ACTR3C: variants seen among roughly 807,000 people sequenced by gnomAD.
The protein encoded by ACTR3C is actin related protein 3C, also known as actin-related protein 3C.
A neutral mutation model predicts 26.3 loss-of-function variants in ACTR3C; 18 were observed. That is an observed-to-expected ratio of 0.68 (90% CI 0.47 to 1.01). ACTR3C has a LOEUF of 1.01. Among genes scored for constraint, ACTR3C ranks in the 50% least tolerant of loss-of-function variants. The pLI is 0.00. For missense variants in ACTR3C, 184 were observed against 250.7 expected, an observed-to-expected ratio of 0.73 and a Z score of 1.80; for synonymous variants, 55 against 94.5, an observed-to-expected ratio of 0.58 and a Z score of 2.42.
the ACTR3C span, among the ~76,000 whole-genome samples, chr7:150,077,563 A>G: frequency 2.6e-5 from 4 of 152,218 alleles, no homozygotes; most frequent in South Asian, 6.2e-4. Context: ...GAGACTAAAT[A>G]TAGCATGATG....
chr7:149,956,348 G>T, the ACTR3C span, among the ~76,000 whole-genome samples: 194 of 152,224 alleles, frequency 1.3e-3, no homozygotes, highest in Non-Finnish European at 2.3e-3. Context: ...CTTGAGTCCA[G>T]GAGTTCGAGA....
the ACTR3C span, among the ~76,000 whole-genome samples, chr7:150,036,996 G>T: frequency 1.3e-3 from 16 of 12,638 alleles, 2 homozygotes; most frequent in African/African-American, 4.0e-3. Context: ...GGGTGCCTCC[G>T]CCCCCCTGCG....
At chr7:150,280,829 T>TACAC (rs1554460132) in intron 6 of ACTR3C, among the ~76,000 whole-genome samples, 2 of 150,362 alleles carry the variant, frequency 1.3e-5, no homozygotes, top group Admixed American at 6.6e-5. Context: ...TATATATATA[T>TACAC]ACACACACAC....
At chr7:150,172,157 TA>T in the ACTR3C span, among the ~76,000 whole-genome samples, 5 of 150,774 alleles carry the variant, frequency 3.3e-5, no homozygotes, top group African/African-American at 1.2e-4. Flanking sequence ...AAGAAAATTT[TA>T]AGGGCACCTG....
the ACTR3C span, among the ~76,000 whole-genome samples, chr7:149,922,970 C>CTTTTTTTTTTTTTTTT: frequency 2.1e-3 from 146 of 69,148 alleles, 24 homozygotes; most frequent in African/African-American, 6.5e-3. Flanking sequence ...AAATAAAAGG[C>CTTTTTTTTTTTTTTTT]TTTTTTTTTT....
chr7:150,004,292 G>A, the ACTR3C span: 1 of 151,818 alleles, frequency 6.6e-6, no homozygotes, highest in Non-Finnish European at 1.5e-5. Context: ...GAAGGTAAGA[G>A]TGGTGCTTGC....
chr7:149,946,570 G>A, the ACTR3C span, among the ~76,000 whole-genome samples: 1 of 152,240 alleles, frequency 6.6e-6, no homozygotes, highest in African/African-American at 2.4e-5. Flanking sequence ...CTGTTTCCAG[G>A]GCTTCCTCTG....
chr7:150,054,499 G>A, the ACTR3C span, among the ~76,000 whole-genome samples: 3 of 152,214 alleles, frequency 2.0e-5, no homozygotes, highest in Non-Finnish European at 2.9e-5. Context: ...ATTGACAGCC[G>A]ATGCTTTAGC....
chr7:149,906,454 T>C, the ACTR3C span, among the ~76,000 whole-genome samples: 45 of 113,354 alleles, frequency 4.0e-4, 1 homozygote, highest in East Asian at 7.1e-3. Context: ...TTTTTTTAGA[T>C]GGAGCCTCAC....
At chr7:150,245,977 C>A (rs974842503), downstream of ACTR3C, 2 of 152,170 alleles carry the variant, frequency 1.3e-5, no homozygotes, top group African/African-American at 2.4e-5. Flanking sequence ...GTAAACCAGG[C>A]AAGTCAGTCT....
At chr7:150,211,625 C>T in the ACTR3C span, among the ~76,000 whole-genome samples, 8 of 148,954 alleles carry the variant, frequency 5.4e-5, no homozygotes, top group South Asian at 2.1e-4. Context: ...TGGAGCTTGA[C>T]GTGACCCTGA....
At chr7:150,256,055 G>C (rs528953835) in intron 6 of ACTR3C, among the ~76,000 whole-genome samples, 2 of 152,344 alleles carry the variant, frequency 1.3e-5, no homozygotes, top group South Asian at 4.1e-4. Flanking sequence ...TCACTAAGTT[G>C]TTTTAAGACC....
intron 1 of ACTR3C, among the ~76,000 whole-genome samples, chr7:150,303,982 T>C (rs1391424672): frequency 6.6e-6 from 1 of 152,238 alleles, no homozygotes; most frequent in Non-Finnish European, 1.5e-5. Context: ...CCCATATTTC[T>C]GGATAAAGAT....
At chr7:149,994,870 G>A in the ACTR3C span, among the ~76,000 whole-genome samples, 3 of 129,350 alleles carry the variant, frequency 2.3e-5, no homozygotes, top group Admixed American at 8.4e-5. Context: ...TTTTTGAGAT[G>A]GAGTATGGAG....
the ACTR3C span, among the ~76,000 whole-genome samples, chr7:149,995,889 C>G: frequency 6.6e-6 from 1 of 152,240 alleles, no homozygotes; most frequent in Non-Finnish European, 1.5e-5. Context: ...GGCTTCACAG[C>G]AGAGGTGGTT....
At chr7:150,116,252 T>C in the ACTR3C span, among the ~76,000 whole-genome samples, 1 of 152,220 alleles carries the variant, frequency 6.6e-6, no homozygotes, top group South Asian at 2.1e-4. Context: ...ATTCATTTTT[T>C]ATGCAATAAA....
At chr7:150,299,605 G>C (rs1023288738) in intron 1 of ACTR3C, among the ~76,000 whole-genome samples, 1 of 151,506 alleles carries the variant, frequency 6.6e-6, no homozygotes, top group Non-Finnish European at 1.5e-5. Flanking sequence ...GGCCAACATG[G>C]GGAAACCCCA....
the ACTR3C span, among the ~76,000 whole-genome samples, chr7:150,196,456 T>C: frequency 0.03 from 4,582 of 152,326 alleles, 230 homozygotes; most frequent in African/African-American, 0.1. Flanking sequence ...ATTCCTGTCT[T>C]GAGTTGCTGC....
At chr7:150,308,186 C>G (rs927337833) in intron 1 of ACTR3C, among the ~76,000 whole-genome samples, 4 of 152,162 alleles carry the variant, frequency 2.6e-5, no homozygotes, top group Non-Finnish European at 5.9e-5. Context: ...GTACCACCCC[C>G]CTCTCTTCGA....
Sources: gnomAD v4.1 joint callset for allele counts (sites outside exome capture counted in the v4.1 genomes callset) on GRCh38, gnomAD v4.1.1 for gene constraint, MANE v1.5 for transcripts, NCBI Gene and HGNC (gene_info 2026-07-23, HGNC 2026-07-21) for gene names.